HIPK1: variants seen among roughly 807,000 people sequenced by gnomAD.
The protein encoded by HIPK1 is homeodomain interacting protein kinase 1, also known as homeodomain-interacting protein kinase 1.
In HIPK1, 28 loss-of-function variants were observed where a neutral mutation model predicts 117.1. The ratio of observed to expected loss-of-function variants is 0.24; its 90% CI spans 0.18 to 0.33. The LOEUF (loss-of-function observed/expected upper bound fraction) is 0.33, where lower values mean the gene tolerates loss of function less well. Among genes scored for constraint, HIPK1 ranks in the 10% least tolerant of loss-of-function variants. The pLI, the probability that HIPK1 is intolerant of heterozygous loss-of-function variation, is 1.00. For synonymous variants in HIPK1, 605 were observed against 562.5 expected, an observed-to-expected ratio of 1.08 and a Z score of -1.07; for missense variants, 1,122 against 1,475.1, an observed-to-expected ratio of 0.76 and a Z score of 3.92.
rs1670844642 is a variant in HIPK1, at chr1:113,944,246, A to G, written c.1076+2787A>G. ...GAGTGCAGTGGTGCGATCTCGGCTCACTGCAGCCTCTGCCTCCCAGGATTC... is the reference window on the plus strand; with the variant it reads ...GAGTGCAGTGGTGCGATCTCGGCTCGCTGCAGCCTCTGCCTCCCAGGATTC... On this transcript the variant is annotated intron_variant, in intron 2 of 15. Transcript: ENST00000426820. Among the ~76,000 whole-genome samples, 5 of 122,820 alleles carry G rather than the reference A, an allele frequency of 4.1e-5. No individual in the cohort carries two copies. The Admixed American group carries it at 5.9e-4, about 14-fold the overall frequency. 80.6% of individuals were successfully genotyped at this position (122,820 alleles called of 152,430 possible).
intron 8 of HIPK1, among the ~76,000 whole-genome samples, chr1:113,961,266 CT>C (rs1233082993): frequency 2.0e-5 from 3 of 152,188 alleles, no homozygotes; most frequent in Admixed American, 6.5e-5. Flanking sequence ...TATAAAGGCA[CT>C]GTTACAAAGA....
chr1:113,931,168 GTT>G (rs35159791), intron 1 of HIPK1, among the ~76,000 whole-genome samples: 103 of 136,996 alleles, frequency 7.5e-4, no homozygotes, highest in African/African-American at 2.1e-3. Flanking sequence ...TGGTCTGTGG[GTT>G]TTTTTTTTTT....
intron 2 of HIPK1, among the ~76,000 whole-genome samples, chr1:113,943,522 C>T (rs1208565623): frequency 6.6e-6 from 1 of 152,112 alleles, no homozygotes; most frequent in African/African-American, 2.4e-5. Context: ...TTTGTTTATG[C>T]ATTCATCTGT....
Position 113,957,151 on chromosome 1 carries a change from G to A in HIPK1, c.1620G>A (p.Glu540=). The change falls in exon 7 of 16, where the codon GAG becomes GAA. Residue 540 remains glutamate, a synonymous_variant. Transcript: ENST00000426820. ...TTAAGTCTTGTTTTCAGAACATGGA[G>A]ATCTGCAAGCGGAGGGTTCACATGT... The part of the protein sequence containing the change: ...NHVKSCFQNM[E]ICKRRVHMYD... 6.2e-7 allele frequency: 1 copy of A among 1,613,676 alleles called. No individual in the cohort carries two copies. The highest frequency in any genetic ancestry group is 8.5e-7 in the Non-Finnish European group (1 of 1,179,642).
intron 2 of HIPK1, among the ~76,000 whole-genome samples, chr1:113,947,134 C>T (rs938927697): frequency 1.3e-5 from 2 of 152,166 alleles, no homozygotes; most frequent in South Asian, 2.1e-4. Context: ...TATCAGCTCA[C>T]ATAAATTTGC....
intron 2 of HIPK1, chr1:113,951,259 T>C (rs573295644): frequency 1.0e-6 from 1 of 984,942 alleles, no homozygotes; most frequent in Non-Finnish European, 1.2e-6. Flanking sequence ...TGCCCTTGTA[T>C]TCCACCATGT....
intron 1 of HIPK1, 26 bp downstream of exon 1, chr1:113,929,558 G>T (rs562064173): frequency 7.8e-7 from 1 of 1,278,972 alleles, no homozygotes; most frequent in Non-Finnish European, 1.0e-6. Flanking sequence ...CGGGGCGGGT[G>T]AATAGTTCCG....
rs1673204176 is a variant in HIPK1, at chr1:113,977,577, G to A, written c.*4065G>A. 1.3e-5 allele frequency: 2 copies of A among 152,692 alleles called. No homozygotes were observed. Among genetic ancestry groups the A allele is most frequent in the South Asian group, 2.1e-4 (1 of 4,832 alleles). 9.5% of individuals were successfully genotyped at this position (152,692 alleles called of 1,614,324 possible). On this transcript the variant is annotated 3_prime_UTR_variant, in exon 16 of 16. Coordinates refer to ENST00000426820, the MANE Select transcript of HIPK1 (RefSeq NM_198268.3). ...ACTGAGCTATGTTTGTAATGCAGAT[G>A]TACTTAGGGAGTATGTAAAATAATC... is the stretch of plus-strand genomic sequence containing the variant.
rs1254854444 is a variant in HIPK1, at chr1:113,967,811, G to C, written c.2427G>C (p.Gln809His). The change falls in exon 12 of 16, where the codon CAG (glutamine) becomes CAC (histidine). Residue 809 changes from glutamine (Q) to histidine (H), a missense_variant. By Grantham distance (24) the Gln-to-His change is conservative. This residue lies in a region of HIPK1 where 731 missense variants were observed against 860.4 expected (regional missense o/e 0.85). Transcript: ENST00000426820. ...HGNQYSTIMQ[Q>H]PSLLTNHVTL... ...ACCAGTACAGCACTATCATGCAGCA[G>C]CCATCCTTGCTGACTAACCATGTGA... The C allele has an allele frequency of 6.2e-7, 1 of 1,608,426 alleles. No individual in the cohort carries two copies. Among genetic ancestry groups the C allele is most frequent in the East Asian group, 2.2e-5 (1 of 44,652 alleles).
Position 113,962,529 on chromosome 1 carries a change from A to G in HIPK1, c.2103+91A>G, listed in dbSNP as rs1352950981. 6.2e-6 allele frequency: 8 copies of G among 1,288,616 alleles called. No homozygotes were observed. In the East Asian group the frequency reaches 1.3e-4, roughly 21 times the overall value. The allele number at this position is 1,288,616 out of a possible 1,614,324, so 79.8% of individuals were successfully genotyped here. A position where few individuals can be genotyped will look rare whatever the true frequency, so the allele number is the denominator to read the frequency against. Reference sequence around the variant, plus strand: ...CTAGAAAATGGTATTTCCTTTGACTATAAGATCTTTCTTGGTCATGATTCA... The same window carrying G: ...CTAGAAAATGGTATTTCCTTTGACTGTAAGATCTTTCTTGGTCATGATTCA... On this transcript the variant is annotated intron_variant, in intron 9 of 15. Coordinates refer to ENST00000426820, the MANE Select transcript of HIPK1 (RefSeq NM_198268.3).
chr1:113,962,368 A>G lies in HIPK1; in HGVS notation c.2033A>G (p.Asn678Ser), dbSNP rs199664391. ...TCTGGATTCCCTGTGAGGATGGATA[A>G]TGCTGTACCGATTGTACCCCAGGCA... ...KHSGFPVRMD[N>S]AVPIVPQAPA... is the part of the protein sequence containing the mutation. Residue 678 changes from asparagine to serine, a missense_variant, in exon 9 of 16, where the codon AAT becomes AGT. Coordinates refer to ENST00000426820, the MANE Select transcript of HIPK1 (RefSeq NM_198268.3). 4.8e-5 allele frequency: 78 copies of G among 1,613,854 alleles called. No homozygotes were observed. The highest frequency in any genetic ancestry group is 6.0e-5 in the Non-Finnish European group (71 of 1,179,860).
intron 9 of HIPK1, 102 bp downstream of exon 9, chr1:113,962,540 C>T: frequency 8.4e-7 from 1 of 1,190,002 alleles, no homozygotes; most frequent in Non-Finnish European, 1.2e-6. Flanking sequence ...TAAGATCTTT[C>T]TTGGTCATGA....
rs368942586 is a variant in HIPK1, at chr1:113,971,973, T to G, written c.3144+19T>G. ...TAGCCAGGTAAGTGCTATGGGCTAC[T>G]GCCTTCTGTTTGGGCCCTGCACTGT... On this transcript the variant is annotated intron_variant, in intron 15 of 15. Transcript: ENST00000426820. The G allele has an allele frequency of 3.8e-5, 61 of 1,612,850 alleles. No individual in the cohort carries two copies. Among genetic ancestry groups the G allele is most frequent in the Non-Finnish European group, 5.0e-5 (59 of 1,179,526 alleles).
At chr1:113,944,988 C>T (rs539413957) in intron 2 of HIPK1, among the ~76,000 whole-genome samples, 34 of 152,152 alleles carry the variant, frequency 2.2e-4, no homozygotes, top group African/African-American at 7.0e-4. Flanking sequence ...CCTGAGACTA[C>T]GGGCATGCAC....
rs1672985087 is a variant in HIPK1 at position 113,973,513 on chromosome 1, T to A, written c.*1T>A. ...GATCAGCCAGTATTCCTACTTATAGTTGGTGAGCATGAGGGAGGAGGAATC... is the reference window on the plus strand; with the variant it reads ...GATCAGCCAGTATTCCTACTTATAGATGGTGAGCATGAGGGAGGAGGAATC... On this transcript the variant is annotated 3_prime_UTR_variant, in exon 16 of 16. Transcript: ENST00000426820. The A allele has an allele frequency of 6.4e-7, 1 of 1,573,006 alleles. No individual in the cohort carries two copies.
chr1:113,935,251 C>T (rs1184268368), intron 1 of HIPK1, among the ~76,000 whole-genome samples: 1 of 152,144 alleles, frequency 6.6e-6, no homozygotes, highest in Non-Finnish European at 1.5e-5. Context: ...CGTTCTTTAG[C>T]TCCCACTTTT....
At chr1:113,969,409 C>T (rs1490508070) in intron 13 of HIPK1, among the ~76,000 whole-genome samples, 1 of 152,110 alleles carries the variant, frequency 6.6e-6, no homozygotes, top group African/African-American at 2.4e-5. Context: ...TCCTTAGTTT[C>T]CTCATCTGCA....
chr1:113,973,621 GCAACTTGTTC>G lies in HIPK1; in HGVS notation c.*110_*119del, dbSNP rs1672994455. 1.5e-6 allele frequency: 2 copies of G among 1,348,778 alleles called. No homozygotes were observed. Among genetic ancestry groups the G allele is most frequent in the Admixed American group, 5.1e-5 (2 of 39,358 alleles). The allele number at this position is 1,348,778 out of a possible 1,614,324, so 83.6% of individuals were successfully genotyped here. A position where few individuals can be genotyped will look rare whatever the true frequency, so the allele number is the denominator to read the frequency against. On this transcript the variant is annotated 3_prime_UTR_variant, in exon 16 of 16. Transcript: ENST00000426820. ...TTACCCTCTTGAAATTTCTTAGCCA[GCAACTTGTTC>G]TGCAGGGGCCCACTGAAGCAGAAGG...
Position 113,973,719 on chromosome 1 carries a change from C to T in HIPK1, c.*207C>T. The T allele has an allele frequency of 2.2e-6, 1 of 453,230 alleles. No homozygotes were observed. The allele number at this position is 453,230 out of a possible 1,614,324, so 28.1% of individuals were successfully genotyped here. ...TTGTTGTAGTCTTCCCAAAGTTTGC[C>T]CTATTTTTAAATTCATTATTTTTGT... On this transcript the variant is annotated 3_prime_UTR_variant, in exon 16 of 16. Transcript: ENST00000426820.
Sources: allele counts gnomAD v4.1 joint callset (sites outside exome capture counted in the v4.1 genomes callset), GRCh38; gene constraint gnomAD v4.1.1; regional missense constraint gnomAD v4.1.1; transcripts MANE v1.5; gene names NCBI Gene and HGNC (gene_info 2026-07-23, HGNC 2026-07-21).